CNTNAP2: variants seen among roughly 807,000 people sequenced by gnomAD.
The protein encoded by CNTNAP2 is contactin associated protein 2.
Under a neutral mutation model 155.2 loss-of-function variants are expected in CNTNAP2, and 98 were observed. The observed-to-expected ratio is 0.63, with a 90% CI of 0.54 to 0.75. The LOEUF (loss-of-function observed/expected upper bound fraction) is 0.75. Ranked by LOEUF, CNTNAP2 falls within the 30% of genes least tolerant of loss-of-function variation. The pLI, the probability that CNTNAP2 is intolerant of heterozygous loss-of-function variation, is 0.00. For missense variants in CNTNAP2, 1,727 were observed against 1,688.1 expected (o/e 1.02, Z -0.40); for synonymous variants, 651 against 631.2 (o/e 1.03, Z -0.47).
chr7:146,852,725 T>C (rs1303218856), intron 3 of CNTNAP2, among the ~76,000 whole-genome samples: 1 of 152,194 alleles, frequency 6.6e-6, no homozygotes, highest in African/African-American at 2.4e-5. Flanking sequence ...AAAGTTGAGG[T>C]TGAATTGCTA....
intron 1 of CNTNAP2, among the ~76,000 whole-genome samples, chr7:146,334,670 G>C (rs1033931117): frequency 6.6e-6 from 1 of 152,034 alleles, no homozygotes; most frequent in African/African-American, 2.4e-5. Flanking sequence ...TCCTCCAAGA[G>C]ATCTCAGGTC....
intron 21 of CNTNAP2, among the ~76,000 whole-genome samples, chr7:148,320,376 C>CTTTTTTTTTT (rs67424217): frequency 1.1e-4 from 7 of 63,384 alleles, no homozygotes; most frequent in East Asian, 6.0e-4. Flanking sequence ...ATTTTTTTTT[C>CTTTTTTTTTT]TTTTTTTTTT....
At chr7:147,445,309 A>G (rs535382846) in intron 10 of CNTNAP2, among the ~76,000 whole-genome samples, 1 of 152,346 alleles carries the variant, frequency 6.6e-6, no homozygotes, top group South Asian at 2.1e-4. Flanking sequence ...TTTAAAAAAT[A>G]TTTCCTATGA....
intron 13 of CNTNAP2, among the ~76,000 whole-genome samples, chr7:147,839,750 G>C (rs1333879074): frequency 6.6e-6 from 1 of 152,068 alleles, no homozygotes; most frequent in African/African-American, 2.4e-5. Context: ...CGTCTACTCA[G>C]AATAAAAGAA....
chr7:147,285,419 G>T (rs1212834431), intron 8 of CNTNAP2, among the ~76,000 whole-genome samples: 1 of 151,816 alleles, frequency 6.6e-6, no homozygotes, highest in Admixed American at 6.6e-5. Flanking sequence ...ATATTTCAAA[G>T]AATAGAATTA....
chr7:146,139,571 C>G (rs1028924517), intron 1 of CNTNAP2, among the ~76,000 whole-genome samples: 1 of 152,094 alleles, frequency 6.6e-6, no homozygotes, highest in Non-Finnish European at 1.5e-5. Context: ...TTAAGAGTTT[C>G]TTCTGTGTTT....
chr7:148,135,153 T>C (rs1804910163), intron 16 of CNTNAP2, among the ~76,000 whole-genome samples: 1 of 152,190 alleles, frequency 6.6e-6, no homozygotes, highest in Non-Finnish European at 1.5e-5. Context: ...AAAATAGCTA[T>C]TGTTTTGGTA....
intron 1 of CNTNAP2, among the ~76,000 whole-genome samples, chr7:146,290,824 T>G (rs1039180303): frequency 2.0e-5 from 3 of 152,240 alleles, no homozygotes; most frequent in African/African-American, 7.2e-5. Context: ...AGAATCCCTA[T>G]GTTTCCCCCA....
intron 9 of CNTNAP2, among the ~76,000 whole-genome samples, chr7:147,307,854 G>A (rs994131933): frequency 6.6e-6 from 1 of 152,132 alleles, no homozygotes; most frequent in Non-Finnish European, 1.5e-5. Context: ...CTAACAAGTA[G>A]TAGAGCTTGG....
chr7:148,387,872 C>T (rs1264819569), intron 22 of CNTNAP2, among the ~76,000 whole-genome samples: 1 of 151,442 alleles, frequency 6.6e-6, no homozygotes, highest in Admixed American at 6.6e-5. Flanking sequence ...CTACTGAAAA[C>T]TGGTTGCAGT....
At position 146,163,569 on chromosome 7, in the gene CNTNAP2, ATATCTATC is replaced by A. The variant is rs149621233; in HGVS notation, c.97+46608_97+46615del. Among the ~76,000 whole-genome samples, 126 of 106,638 alleles carry A rather than the reference ATATCTATC, an allele frequency of 1.2e-3. 1 individual carries two copies. The highest frequency in any genetic ancestry group is 1.7e-3 in the Admixed American group (19 of 11,234). The allele number at this position is 106,638 out of a possible 152,430, so 70.0% of individuals were successfully genotyped here. ...TATATATCTATATCTATATCTATCT[ATATCTATC>A]TATCTATCTATATATATATATATAT... On this transcript the variant is annotated intron_variant, in intron 1 of 23. Transcript: ENST00000361727.
intron 10 of CNTNAP2, among the ~76,000 whole-genome samples, chr7:147,419,018 C>T (rs1287349838): frequency 6.6e-6 from 1 of 152,188 alleles, no homozygotes; most frequent in Non-Finnish European, 1.5e-5. Context: ...TGGTTCAAAG[C>T]ATGCTTCCTA....
rs1375586064 is a variant in CNTNAP2, at chr7:146,380,791, T to TTTTC, written c.97+263821_97+263822insCTTT. 5.4e-3 allele frequency among the ~76,000 whole-genome samples: 476 copies of TTTTC among 88,796 alleles called. 10 individuals carry two copies. Among genetic ancestry groups the TTTTC allele is most frequent in the African/African-American group, 0.038 (456 of 12,158 alleles). The allele number at this position is 88,796 out of a possible 152,430, so 58.3% of individuals were successfully genotyped here. A position where few individuals can be genotyped will look rare whatever the true frequency, so the allele number is the denominator to read the frequency against. On this transcript the variant is annotated intron_variant, in intron 1 of 23. Transcript: ENST00000361727. ...TTGCTTCTTATGCACGTTCTTTTTT[T>TTTTC]TTTTTTTTTTTTTTTTTTTTTTTTT...
intron 15 of CNTNAP2, among the ~76,000 whole-genome samples, chr7:148,078,322 C>G (rs1803535334): frequency 7.3e-6 from 1 of 136,570 alleles, no homozygotes. Context: ...CCTTGACCTT[C>G]CAAAGTTCTG....
chr7:146,628,996 G>A (rs1799466379), intron 1 of CNTNAP2, among the ~76,000 whole-genome samples: 1 of 152,110 alleles, frequency 6.6e-6, no homozygotes, highest in Admixed American at 6.6e-5. Flanking sequence ...GTGAGATAGT[G>A]TTCCACTTTA....
intron 21 of CNTNAP2, among the ~76,000 whole-genome samples, chr7:148,327,728 G>C (rs1797917077): frequency 6.6e-6 from 1 of 152,160 alleles, no homozygotes; most frequent in South Asian, 2.1e-4. Context: ...AACTTGGGTA[G>C]AATATTTTGT....
At chr7:146,612,958 CTT>C (rs1370462487) in intron 1 of CNTNAP2, among the ~76,000 whole-genome samples, 1 of 141,962 alleles carries the variant, frequency 7.0e-6, no homozygotes, top group Non-Finnish European at 1.5e-5. Flanking sequence ...GCCACAAACT[CTT>C]TTGTTTCTGT....
At chr7:146,591,351 G>C (rs1033508001) in intron 1 of CNTNAP2, among the ~76,000 whole-genome samples, 2 of 144,376 alleles carry the variant, frequency 1.4e-5, no homozygotes, top group East Asian at 4.0e-4. Context: ...GAAAACAATA[G>C]GTTCTTCAAA....
chr7:147,120,941 A>G, intron 5 of CNTNAP2, 38 bp from the exon 6 acceptor site: 2 of 1,599,772 alleles, frequency 1.3e-6, no homozygotes, highest in Non-Finnish European at 1.7e-6. Flanking sequence ...TGGCCATAGC[A>G]TCATTGCATT....
Sources: gnomAD v4.1 joint callset for allele counts (sites outside exome capture counted in the v4.1 genomes callset) on GRCh38, gnomAD v4.1.1 for gene constraint, MANE v1.5 for transcripts, NCBI Gene and HGNC (gene_info 2026-07-23, HGNC 2026-07-21) for gene names.